Variants in TSEN2 observed in about 807,000 individuals in gnomAD.
TSEN2 encodes the protein tRNA splicing endonuclease subunit 2, also known as tRNA-splicing endonuclease subunit Sen2.
Under a neutral mutation model 59.2 loss-of-function variants are expected in TSEN2, and 54 were observed. The observed-to-expected ratio is 0.91, with a 90% CI of 0.73 to 1.14. The LOEUF (loss-of-function observed/expected upper bound fraction) is 1.14. TSEN2 is among the 50% of genes most tolerant of loss of function. The pLI, the probability that TSEN2 is intolerant of heterozygous loss-of-function variation, is 0.00. For missense variants in TSEN2, 636 were observed against 576.2 expected, an observed-to-expected ratio of 1.10 and a Z score of -1.06; for synonymous variants, 195 against 198.2, an observed-to-expected ratio of 0.98 and a Z score of 0.14.
intron 3 of TSEN2, among the ~76,000 whole-genome samples, chr3:12,493,953 T>C (rs2053489957): frequency 1.3e-5 from 2 of 152,344 alleles, no homozygotes; most frequent in South Asian, 4.1e-4. Context: ...GGTTTATAGT[T>C]TGAACTCTTA....
Position 12,516,446 on chromosome 3 carries a change from A to G in TSEN2, c.910-165A>G, listed in dbSNP as rs28447395. On this transcript the variant is annotated intron_variant, in intron 6 of 11. Coordinates refer to ENST00000284995, the MANE Select transcript of TSEN2 (RefSeq NM_025265.4). ...TTTCAAAAACAAACAAACAAAATAT[A>G]TGTGTGTGTGTGTGTGTGTGTGTGT... Among the ~76,000 whole-genome samples, 21,246 of 126,484 alleles carry G rather than the reference A, an allele frequency of 0.17. 2,144 individuals are homozygous for G. The highest frequency in any genetic ancestry group is 0.31 in the African/African-American group (10,323 of 32,886). 83.0% of individuals were successfully genotyped at this position (126,484 alleles called of 152,430 possible). A position where few individuals can be genotyped will look rare whatever the true frequency, so the allele number is the denominator to read the frequency against.
intron 6 of TSEN2, among the ~76,000 whole-genome samples, chr3:12,511,540 A>G (rs2055454258): frequency 6.6e-6 from 1 of 151,036 alleles, no homozygotes; most frequent in African/African-American, 2.4e-5. Flanking sequence ...ATAAAGGGAA[A>G]TTTGAAATAG....
intron 3 of TSEN2, among the ~76,000 whole-genome samples, chr3:12,492,531 T>A (rs2053320725): frequency 6.6e-6 from 1 of 152,244 alleles, no homozygotes; most frequent in African/African-American, 2.4e-5. Context: ...GCAAAATTTT[T>A]AAAATTTTGT....
At chr3:12,506,915 C>T (rs1426717717) in intron 6 of TSEN2, 4 of 971,606 alleles carry the variant, frequency 4.1e-6, no homozygotes, top group Non-Finnish European at 4.9e-6. Flanking sequence ...ATTGTGGGGG[C>T]CGGGCGCCGT....
chr3:12,483,921 G>A (rs1011162817), upstream of TSEN2, among the ~76,000 whole-genome samples: 3 of 152,180 alleles, frequency 2.0e-5, no homozygotes, highest in East Asian at 5.8e-4. Flanking sequence ...GCCAGTGAGG[G>A]GGGAAAATGG....
At chr3:12,507,812 T>C (rs116427087) in intron 6 of TSEN2, among the ~76,000 whole-genome samples, 3,963 of 152,274 alleles carry the variant, frequency 0.026, 176 homozygotes, top group African/African-American at 0.089. Flanking sequence ...ACTTATTAAA[T>C]GAATGAATGT....
At chr3:12,506,991 G>A (rs1256827962) in intron 6 of TSEN2, among the ~76,000 whole-genome samples, 2 of 152,054 alleles carry the variant, frequency 1.3e-5, no homozygotes, top group Admixed American at 6.5e-5. Context: ...TCAGGAGATC[G>A]AGACCATCCT....
chr3:12,508,807 C>G (rs2055111255), intron 6 of TSEN2, among the ~76,000 whole-genome samples: 1 of 152,194 alleles, frequency 6.6e-6, no homozygotes, highest in Admixed American at 6.5e-5. Flanking sequence ...CTTCTGCATC[C>G]TTCAGTGGAC....
In TSEN2 at chr3:12,505,178, T is replaced by A. The variant is rs755218991; in HGVS notation, c.856T>A (p.Cys286Ser). Reference sequence around the variant, plus strand: ...GTTGGTGCAAAGAAACAGGTTAATATGCAGAAGAAATCCATATAGGATCTT... The same window carrying A: ...GTTGGTGCAAAGAAACAGGTTAATAAGCAGAAGAAATCCATATAGGATCTT... ...EELVQRNRLI[C>S]RRNPYRIFEY... is the part of the protein sequence containing the mutation. Residue 286 changes from cysteine (C) to serine (S), a missense_variant, in exon 6 of 12, where the codon TGC becomes AGC. Coordinates refer to ENST00000284995, the MANE Select transcript of TSEN2 (RefSeq NM_025265.4). The A allele has an allele frequency of 1.2e-6, 2 of 1,611,452 alleles. No individual in the cohort carries two copies. The highest frequency in any genetic ancestry group is 3.3e-5 in the Admixed American group (2 of 60,018).
chr3:12,517,357 CAA>C (rs10663207), intron 7 of TSEN2, among the ~76,000 whole-genome samples: 11 of 81,446 alleles, frequency 1.4e-4, no homozygotes, highest in Admixed American at 2.9e-4. Flanking sequence ...GACTCTGTCT[CAA>C]AAAAAAAAAA....
At chr3:12,523,877 T>C (rs2056869919) in intron 8 of TSEN2, among the ~76,000 whole-genome samples, 1 of 152,154 alleles carries the variant, frequency 6.6e-6, no homozygotes, top group South Asian at 2.1e-4. Flanking sequence ...GGCTTGTTTT[T>C]CTAGTCAAAC....
chr3:12,506,719 A>G, intron 6 of TSEN2: 1 of 985,310 alleles, frequency 1.0e-6, no homozygotes, highest in Non-Finnish European at 1.2e-6. Flanking sequence ...GCACACAGAA[A>G]TGTCTTTTCT....
chr3:12,503,934 C>A, intron 5 of TSEN2, 150 bp downstream of exon 5: 1 of 962,972 alleles, frequency 1.0e-6, no homozygotes, highest in Non-Finnish European at 1.5e-6. Flanking sequence ...GCTGTGAGGG[C>A]CATTTCAACT....
At chr3:12,498,724 C>T (rs1486042478) in intron 4 of TSEN2, among the ~76,000 whole-genome samples, 3 of 152,208 alleles carry the variant, frequency 2.0e-5, no homozygotes, top group South Asian at 2.1e-4. Flanking sequence ...CTCATTTCCC[C>T]GTGTGAACCT....
At chr3:12,493,752 A>G (rs941277137) in intron 3 of TSEN2, among the ~76,000 whole-genome samples, 2 of 152,158 alleles carry the variant, frequency 1.3e-5, no homozygotes, top group Non-Finnish European at 2.9e-5. Context: ...ATAACAGAGC[A>G]AGACTCCATT....
At chr3:12,524,994 T>C (rs2056966379) in intron 8 of TSEN2, among the ~76,000 whole-genome samples, 2 of 152,182 alleles carry the variant, frequency 1.3e-5, no homozygotes, top group African/African-American at 2.4e-5. Flanking sequence ...TCCACCCATC[T>C]TGACCTCCCG....
At chr3:12,486,157 C>T (rs2052592225) in intron 1 of TSEN2, among the ~76,000 whole-genome samples, 1 of 152,172 alleles carries the variant, frequency 6.6e-6, no homozygotes, top group Admixed American at 6.5e-5. Context: ...ATAGTACCCA[C>T]ATGTGCAGCA....
intron 8 of TSEN2, among the ~76,000 whole-genome samples, chr3:12,523,033 G>C (rs1024036045): frequency 4.6e-5 from 7 of 152,142 alleles, no homozygotes; most frequent in Non-Finnish European, 1.0e-4. Flanking sequence ...AGGAGTTTGA[G>C]GTTTAGAAGG....
intron 3 of TSEN2, among the ~76,000 whole-genome samples, chr3:12,493,845 A>G (rs1440511841): frequency 6.6e-6 from 1 of 152,244 alleles, no homozygotes; most frequent in African/African-American, 2.4e-5. Flanking sequence ...AGTCCAATTT[A>G]TCTATTTTTT....
Sources: gnomAD v4.1 joint callset for allele counts (sites outside exome capture counted in the v4.1 genomes callset) on GRCh38, gnomAD v4.1.1 for gene constraint, MANE v1.5 for transcripts, NCBI Gene and HGNC (gene_info 2026-07-23, HGNC 2026-07-21) for gene names.